The following LOXL2 variants were observed in gnomAD, a reference collection of about 807,000 sequenced individuals.
LOXL2 encodes the protein lysyl oxidase homolog 2.
In LOXL2, 70 loss-of-function variants were observed where a neutral mutation model predicts 93.0. That is an observed-to-expected ratio of 0.75 (90% CI 0.62 to 0.92). The LOEUF (loss-of-function observed/expected upper bound fraction) is 0.92. Among genes scored for constraint, LOXL2 ranks in the 40% least tolerant of loss-of-function variants. The pLI is 0.00. For synonymous variants in LOXL2, 438 were observed against 413.2 expected (o/e 1.06, Z -0.73); for missense variants, 973 against 1,054.9 (o/e 0.92, Z 1.08).
At chr8:23,373,629 G>A (rs1804538705) in intron 1 of LOXL2, among the ~76,000 whole-genome samples, 1 of 152,204 alleles carries the variant, frequency 6.6e-6, no homozygotes, top group African/African-American at 2.4e-5. Context: ...GCACCCCCAT[G>A]TGCAGGCACT....
intron 1 of LOXL2, among the ~76,000 whole-genome samples, chr8:23,383,716 A>G (rs1487233008): frequency 1.5e-4 from 20 of 132,148 alleles, no homozygotes; most frequent in Non-Finnish European, 2.6e-4. Flanking sequence ...GCTGGAGTGC[A>G]GTGGCGCAAT....
chr8:23,344,924 C>CT (rs1803945194), intron 3 of LOXL2, among the ~76,000 whole-genome samples: 1 of 152,206 alleles, frequency 6.6e-6, no homozygotes, highest in Admixed American at 6.5e-5. Context: ...AAAATGCAGT[C>CT]TCTGCCCTCC....
intron 9 of LOXL2, among the ~76,000 whole-genome samples, chr8:23,316,408 C>CA (rs1380513241): frequency 2.6e-5 from 4 of 152,060 alleles, no homozygotes; most frequent in African/African-American, 9.7e-5. Context: ...GGCAGCATTC[C>CA]AAAAGGTTGT....
intron 1 of LOXL2, among the ~76,000 whole-genome samples, chr8:23,372,860 G>A (rs1804521050): frequency 6.6e-6 from 1 of 152,198 alleles, no homozygotes; most frequent in Non-Finnish European, 1.5e-5. Context: ...TGGGGTTGAA[G>A]ATGTGAATGA....
At chr8:23,346,195 TA>T (rs1430722662) in intron 3 of LOXL2, among the ~76,000 whole-genome samples, 11 of 105,888 alleles carry the variant, frequency 1.0e-4, no homozygotes, top group African/African-American at 4.4e-4. Context: ...TAAAATAAAA[TA>T]AAATAAAATA....
chr8:23,378,003 G>C (rs1804620333), intron 1 of LOXL2, among the ~76,000 whole-genome samples: 2 of 152,280 alleles, frequency 1.3e-5, no homozygotes, highest in South Asian at 4.1e-4. Context: ...TGGTTATTTT[G>C]CTCATTAGTT....
chr8:23,328,853 AT>A (rs1359945523), intron 5 of LOXL2: 3 of 363,112 alleles, frequency 8.3e-6, no homozygotes, highest in Non-Finnish European at 1.5e-5. Context: ...TGGGGAGCCC[AT>A]TGGGGACCGT....
intron 3 of LOXL2, among the ~76,000 whole-genome samples, chr8:23,342,433 CTTTTTT>C (rs1178917449): frequency 2.9e-5 from 4 of 137,314 alleles, no homozygotes; most frequent in East Asian, 2.7e-4. Flanking sequence ...TTTTCTTTTT[CTTTTTT>C]TTTTTTTTTT....
At chr8:23,302,924 T>G (rs1482346052) in intron 11 of LOXL2, among the ~76,000 whole-genome samples, 1 of 152,066 alleles carries the variant, frequency 6.6e-6, no homozygotes, top group Non-Finnish European at 1.5e-5. Context: ...ACACTTGGCA[T>G]TGGGACACCA....
chr8:23,403,739 C>T (rs946695172), intron 1 of LOXL2, among the ~76,000 whole-genome samples: 1 of 152,070 alleles, frequency 6.6e-6, no homozygotes, highest in African/African-American at 2.4e-5. Flanking sequence ...CGCGCCCGGC[C>T]CGTACGAGGT....
intron 2 of LOXL2, among the ~76,000 whole-genome samples, chr8:23,361,238 C>G (rs1032477201): frequency 1.3e-5 from 2 of 152,048 alleles, no homozygotes; most frequent in African/African-American, 4.8e-5. Flanking sequence ...TGTAGTATCT[C>G]CTTGGTTTTC....
chr8:23,400,844 A>G (rs1800144775), intron 1 of LOXL2, among the ~76,000 whole-genome samples: 1 of 152,218 alleles, frequency 6.6e-6, no homozygotes, highest in African/African-American at 2.4e-5. Context: ...CAGAGAGGGC[A>G]GCTCTGAGCC....
chr8:23,380,132 C>T (rs942779380), intron 1 of LOXL2, among the ~76,000 whole-genome samples: 2 of 152,226 alleles, frequency 1.3e-5, no homozygotes, highest in African/African-American at 2.4e-5. Flanking sequence ...TGCTGGCTTA[C>T]GCCTGTAATC....
At chr8:23,371,490 C>A (rs961827828) in intron 1 of LOXL2, among the ~76,000 whole-genome samples, 1 of 152,048 alleles carries the variant, frequency 6.6e-6, no homozygotes, top group East Asian at 1.9e-4. Flanking sequence ...CAGTGGCTCA[C>A]GCCTGTAATC....
intron 1 of LOXL2, among the ~76,000 whole-genome samples, chr8:23,371,280 G>A (rs1804488602): frequency 1.3e-5 from 2 of 152,104 alleles, no homozygotes; most frequent in Non-Finnish European, 2.9e-5. Flanking sequence ...CCCACAAGAC[G>A]GAAATACTAC....
intron 10 of LOXL2, among the ~76,000 whole-genome samples, chr8:23,304,272 G>A (rs548104428): frequency 6.6e-6 from 1 of 152,354 alleles, no homozygotes; most frequent in Non-Finnish European, 1.5e-5. Context: ...GAGAACAGAT[G>A]CAGAGTCTTG....
intron 13 of LOXL2, 87 bp downstream of exon 13, chr8:23,298,749 T>C (rs1803078874): frequency 1.3e-6 from 1 of 791,736 alleles, no homozygotes; most frequent in Admixed American, 1.9e-5. Flanking sequence ...CCGAGCTCTT[T>C]ACCCAAATTA....
At chr8:23,310,999 C>G (rs897026498) in intron 9 of LOXL2, among the ~76,000 whole-genome samples, 2 of 152,246 alleles carry the variant, frequency 1.3e-5, no homozygotes, top group African/African-American at 2.4e-5. Flanking sequence ...TCAGTGATCA[C>G]AAGATCCTGC....
Position 23,400,050 on chromosome 8 carries a change from G to T in LOXL2, c.-84+3904C>A, listed in dbSNP as rs531138793. Among the ~76,000 whole-genome samples, 22 of 152,340 alleles carry T rather than the reference G, an allele frequency of 1.4e-4. No homozygotes were observed. The South Asian group carries it at 4.6e-3, about 32-fold the overall frequency. ...AGAACATCTAGGAGTCCTGTGCCAAGAGATTCCTTTTTCCCACATGATCTG... is the reference window on the plus strand; with the variant it reads ...AGAACATCTAGGAGTCCTGTGCCAATAGATTCCTTTTTCCCACATGATCTG... On this transcript the variant is annotated intron_variant, in intron 1 of 13. Transcript: ENST00000389131.
Sources: allele counts gnomAD v4.1 joint callset (sites outside exome capture counted in the v4.1 genomes callset), GRCh38; gene constraint gnomAD v4.1.1; transcripts MANE v1.5; gene names NCBI Gene and HGNC (gene_info 2026-07-23, HGNC 2026-07-21).